Variants in PACRG observed in about 807,000 individuals in gnomAD.
PACRG encodes the protein parkin coregulated.
PACRG carries 29 observed loss-of-function variants against 29.7 expected under a neutral mutation model. The observed-to-expected ratio is 0.98, with a 90% confidence interval of 0.73 to 1.33. The LOEUF (loss-of-function observed/expected upper bound fraction) is 1.33. PACRG is among the 40% of genes most tolerant of loss of function. The pLI, the probability that PACRG is intolerant of heterozygous loss-of-function variation, is 0.00. For synonymous variants in PACRG, 116 were observed against 118.7 expected (o/e 0.98, Z 0.15); for missense variants, 279 against 316.2 (o/e 0.88, Z 0.89).
At chr6:162,795,669 A>T (rs2128333834) in intron 1 of PACRG, among the ~76,000 whole-genome samples, 1 of 152,338 alleles carries the variant, frequency 6.6e-6, no homozygotes, top group South Asian at 2.1e-4. Context: ...ATGTTTATAA[A>T]TTAATTTTGC....
At chr6:163,296,588 G>A (rs554601477) in intron 4 of PACRG, among the ~76,000 whole-genome samples, 6 of 152,302 alleles carry the variant, frequency 3.9e-5, no homozygotes, top group Non-Finnish European at 7.3e-5. Flanking sequence ...GAGCCACTGC[G>A]CCCAGCCCAC....
chr6:162,765,945 G>C (rs1182002953), intron 1 of PACRG, among the ~76,000 whole-genome samples: 3 of 151,660 alleles, frequency 2.0e-5, no homozygotes, highest in African/African-American at 7.3e-5. Context: ...ATTTTTAGTT[G>C]ACAAATAATA....
At chr6:162,822,946 A>G (rs1416891858) in intron 2 of PACRG, among the ~76,000 whole-genome samples, 2 of 152,130 alleles carry the variant, frequency 1.3e-5, no homozygotes, top group Non-Finnish European at 2.9e-5. Flanking sequence ...TATGTTATGT[A>G]TATCCAATTC....
intron 1 of PACRG, among the ~76,000 whole-genome samples, chr6:162,806,740 A>G (rs2128348597): frequency 6.6e-6 from 1 of 152,296 alleles, no homozygotes; most frequent in African/African-American, 2.4e-5. Flanking sequence ...TAAGGGCTCT[A>G]GAACTTTTTA....
intron 4 of PACRG, among the ~76,000 whole-genome samples, chr6:163,215,889 G>C (rs1349127144): frequency 1.3e-5 from 2 of 152,170 alleles, no homozygotes; most frequent in Non-Finnish European, 2.9e-5. Flanking sequence ...TTATTGTTTA[G>C]GAGATCAACA....
intron 2 of PACRG, among the ~76,000 whole-genome samples, chr6:162,902,337 T>G (rs1021741136): frequency 3.0e-4 from 46 of 152,242 alleles, no homozygotes; most frequent in Admixed American, 7.2e-4. Flanking sequence ...TGTAAACCTT[T>G]TACTGTTTTG....
intron 2 of PACRG, among the ~76,000 whole-genome samples, chr6:162,956,505 CA>C (rs1276592542): frequency 1.3e-5 from 2 of 152,220 alleles, no homozygotes; most frequent in African/African-American, 4.8e-5. Context: ...AGGCTCAAAA[CA>C]GCAGAAATTG....
At chr6:163,236,273 T>C (rs1239150571) in intron 4 of PACRG, among the ~76,000 whole-genome samples, 2 of 151,714 alleles carry the variant, frequency 1.3e-5, no homozygotes, top group African/African-American at 4.8e-5. Context: ...AACCCTGCCC[T>C]TCTCCATTCC....
intron 4 of PACRG, among the ~76,000 whole-genome samples, chr6:163,118,024 A>G (rs1816093908): frequency 6.6e-6 from 1 of 152,188 alleles, no homozygotes; most frequent in Admixed American, 6.5e-5. Context: ...TGGGACATAG[A>G]AAACCTCGAG....
chr6:163,162,700 A>T (rs1050778546), intron 4 of PACRG, among the ~76,000 whole-genome samples: 1 of 152,210 alleles, frequency 6.6e-6, no homozygotes, highest in African/African-American at 2.4e-5. Context: ...CAAGCTTCCC[A>T]GGTGGTACAT....
At chr6:162,887,125 T>A (rs980436170) in intron 2 of PACRG, among the ~76,000 whole-genome samples, 5 of 152,188 alleles carry the variant, frequency 3.3e-5, no homozygotes, top group Non-Finnish European at 5.9e-5. Flanking sequence ...GTCTTGACCA[T>A]GAGGCCTCAC....
At chr6:163,283,880 A>G (rs915620584) in intron 4 of PACRG, among the ~76,000 whole-genome samples, 5 of 151,970 alleles carry the variant, frequency 3.3e-5, no homozygotes, top group African/African-American at 1.2e-4. Context: ...TTGGGAGGCC[A>G]AGGCCGGTAG....
chr6:162,834,196 G>T (rs1789021348), intron 2 of PACRG, among the ~76,000 whole-genome samples: 1 of 152,100 alleles, frequency 6.6e-6, no homozygotes, highest in Non-Finnish European at 1.5e-5. Context: ...AGTTAAGTCA[G>T]TTATGTTTTC....
chr6:162,778,259 A>G (rs944334828), intron 1 of PACRG, among the ~76,000 whole-genome samples: 3 of 152,138 alleles, frequency 2.0e-5, no homozygotes, highest in Non-Finnish European at 4.4e-5. Context: ...CTGCCCCATC[A>G]AAAGAGTATT....
intron 3 of PACRG, among the ~76,000 whole-genome samples, chr6:163,084,341 A>G (rs1043661680): frequency 6.6e-6 from 1 of 152,206 alleles, no homozygotes; most frequent in Non-Finnish European, 1.5e-5. Flanking sequence ...CAAAAAAAAA[A>G]TCTTTTTGCT....
chr6:162,952,576 T>C (rs1368653851), intron 2 of PACRG, among the ~76,000 whole-genome samples: 1 of 152,214 alleles, frequency 6.6e-6, no homozygotes, highest in African/African-American at 2.4e-5. Flanking sequence ...TCCAGAATAC[T>C]GAACTGTATG....
chr6:163,230,866 C>T (rs188018968), intron 4 of PACRG, among the ~76,000 whole-genome samples: 179 of 94,664 alleles, frequency 1.9e-3, no homozygotes, highest in African/African-American at 6.5e-3. Flanking sequence ...AATTAGGCCT[C>T]GAAGGACAGT....
At chr6:163,136,571 A>G (rs1816944471) in intron 4 of PACRG, among the ~76,000 whole-genome samples, 1 of 152,218 alleles carries the variant, frequency 6.6e-6, no homozygotes, top group African/African-American at 2.4e-5. Flanking sequence ...TTTTTTCCAT[A>G]AAGATTTGCA....
chr6:162,970,373 TA>T (rs1345001083), intron 2 of PACRG, among the ~76,000 whole-genome samples: 1 of 152,130 alleles, frequency 6.6e-6, no homozygotes, highest in African/African-American at 2.4e-5. Flanking sequence ...ACTTAGGTTC[TA>T]CTGGAGAGCT....
Sources: allele counts gnomAD v4.1 joint callset (sites outside exome capture counted in the v4.1 genomes callset), GRCh38; gene constraint gnomAD v4.1.1; transcripts MANE v1.5; gene names NCBI Gene and HGNC (gene_info 2026-07-23, HGNC 2026-07-21).